The following DRD2 variants were observed in gnomAD, a reference collection of about 807,000 sequenced individuals.
DRD2 encodes D(2) dopamine receptor.
Under a neutral mutation model 38.0 loss-of-function variants are expected in DRD2, and 8 were observed. The ratio of observed to expected loss-of-function variants is 0.21; its 90% CI spans 0.12 to 0.38. The LOEUF (loss-of-function observed/expected upper bound fraction) is 0.38. Ranked by LOEUF, DRD2 falls within the 10% of genes least tolerant of loss-of-function variation. The pLI is 1.00. For missense variants in DRD2, 403 were observed against 607.7 expected (o/e 0.66, Z 3.54); for synonymous variants, 230 against 238.6 (o/e 0.96, Z 0.33).
chr11:113,456,853 A>G (rs978671577), intron 1 of DRD2, among the ~76,000 whole-genome samples: 2 of 152,220 alleles, frequency 1.3e-5, no homozygotes, highest in Non-Finnish European at 2.9e-5. Context: ...TAACATTATC[A>G]AACTGTACAC....
At chr11:113,418,767 T>C (rs184736515) in intron 2 of DRD2, among the ~76,000 whole-genome samples, 2 of 152,178 alleles carry the variant, frequency 1.3e-5, no homozygotes, top group Non-Finnish European at 2.9e-5. Context: ...TGCCAGGATG[T>C]TGAGACTAGC....
intron 2 of DRD2, among the ~76,000 whole-genome samples, chr11:113,423,515 C>T (rs1018372810): frequency 1.3e-5 from 2 of 152,202 alleles, no homozygotes; most frequent in South Asian, 4.1e-4. Context: ...GCCTCGTGAT[C>T]TGCCTGCCTC....
intron 1 of DRD2, among the ~76,000 whole-genome samples, chr11:113,464,998 C>CCCTAGATCAGGCTGCCAG (rs1162712453): frequency 1.3e-5 from 2 of 152,214 alleles, no homozygotes; most frequent in East Asian, 3.8e-4. Flanking sequence ...CACTGCCCCT[C>CCCTAGATCAGGCTGCCAG]CCTAGATCAG....
intron 1 of DRD2, among the ~76,000 whole-genome samples, chr11:113,461,279 C>T (rs910604203): frequency 1.3e-5 from 2 of 152,168 alleles, no homozygotes; most frequent in African/African-American, 4.8e-5. Flanking sequence ...TGATGGGGCT[C>T]CCAGTTTCAG....
intron 1 of DRD2, among the ~76,000 whole-genome samples, chr11:113,457,949 A>T (rs1312948748): frequency 6.6e-6 from 1 of 152,282 alleles, no homozygotes; most frequent in Non-Finnish European, 1.5e-5. Flanking sequence ...TGGGTGGGAC[A>T]CAGCAGGCCA....
Position 113,414,395 on chromosome 11 carries a change from G to T in DRD2, c.790C>A (p.Pro264Thr). The T allele has an allele frequency of 1.2e-6, 2 of 1,614,188 alleles. No individual in the cohort carries two copies. The highest frequency in any genetic ancestry group is 1.7e-6 in the Non-Finnish European group (2 of 1,180,030). The change falls in exon 6 of 8, where the codon CCA becomes ACA. Residue 264 changes from proline (P) to threonine (T), a missense_variant. Coordinates refer to ENST00000362072, the MANE Select transcript of DRD2 (RefSeq NM_000795.4). Reference sequence around the variant, plus strand: ...CTTACCACTCTCCGCCTGTTCACTGGGAAACTCCCATTAGACTTCATGATA... The same window carrying T: ...CTTACCACTCTCCGCCTGTTCACTGTGAAACTCCCATTAGACTTCATGATA... ...TVIMKSNGSF[P>T]VNRRRVEAAR... is the part of the protein sequence containing the mutation.
intron 2 of DRD2, among the ~76,000 whole-genome samples, 197 bp from the exon 3 acceptor site, chr11:113,418,333 A>G (rs893759807): frequency 2.0e-5 from 3 of 152,160 alleles, no homozygotes; most frequent in Admixed American, 6.5e-5. Flanking sequence ...TCTCCCAGAT[A>G]CATAAGACCA....
chr11:113,450,672 T>A (rs1951202524), intron 1 of DRD2, among the ~76,000 whole-genome samples: 1 of 152,320 alleles, frequency 6.6e-6, no homozygotes, highest in Non-Finnish European at 1.5e-5. Flanking sequence ...CTATATCAAG[T>A]GATCAGAAGT....
chr11:113,449,365 A>T (rs1951187063), intron 1 of DRD2, among the ~76,000 whole-genome samples: 1 of 151,956 alleles, frequency 6.6e-6, no homozygotes, highest in Non-Finnish European at 1.5e-5. Context: ...CATGTCCCAG[A>T]CCCCTGGGGG....
intron 1 of DRD2, among the ~76,000 whole-genome samples, chr11:113,465,021 G>A (rs1951354692): frequency 6.6e-6 from 1 of 151,996 alleles, no homozygotes; most frequent in Admixed American, 6.5e-5. Flanking sequence ...TGCCAGCATT[G>A]CTGTCCTGAA....
chr11:113,417,480 ATTAAC>A (rs1487800328), intron 3 of DRD2, among the ~76,000 whole-genome samples: 1 of 151,894 alleles, frequency 6.6e-6, no homozygotes, highest in East Asian at 1.9e-4. Context: ...CTTCTCATTC[ATTAAC>A]TTATTTCATC....
intron 6 of DRD2, chr11:113,414,128 T>G: frequency 5.4e-6 from 3 of 559,058 alleles, no homozygotes; most frequent in Non-Finnish European, 9.7e-6. Context: ...ATAGCCATTA[T>G]TATCATTTTT....
intron 1 of DRD2, among the ~76,000 whole-genome samples, chr11:113,434,176 G>A (rs887503132): frequency 1.3e-5 from 2 of 152,176 alleles, no homozygotes; most frequent in African/African-American, 4.8e-5. Flanking sequence ...CCCAGCACAG[G>A]TGTAATGAAG....
At chr11:113,440,676 C>T (rs1433197036) in intron 1 of DRD2, among the ~76,000 whole-genome samples, 1 of 152,204 alleles carries the variant, frequency 6.6e-6, no homozygotes, top group Non-Finnish European at 1.5e-5. Flanking sequence ...ACCAGGGACC[C>T]TGCTCACACC....
chr11:113,415,583 C>G lies in DRD2; in HGVS notation c.561G>C (p.Pro187=), dbSNP rs775101965. Residue 187 remains proline (P), a synonymous_variant, in exon 5 of 8, where the codon CCG becomes CCC. Coordinates refer to ENST00000362072, the MANE Select transcript of DRD2 (RefSeq NM_000795.4). ...CGATGGAGGAGTAGACCACGAAGGC[C>G]GGGTTGGCAATGATGCACTCGTTCT... ...ADQNECIIAN[P]AFVVYSSIVS... 6.2e-7 allele frequency: 1 copy of G among 1,613,924 alleles called. No individual in the cohort carries two copies. The highest frequency in any genetic ancestry group is 8.5e-7 in the Non-Finnish European group (1 of 1,179,934).
intron 1 of DRD2, among the ~76,000 whole-genome samples, chr11:113,437,001 C>T (rs1488740534): frequency 6.6e-6 from 1 of 152,174 alleles, no homozygotes; most frequent in African/African-American, 2.4e-5. Context: ...GATCCTTTCT[C>T]ATGACATAAC....
chr11:113,437,774 G>T (rs1238303377), intron 1 of DRD2, among the ~76,000 whole-genome samples: 1 of 152,178 alleles, frequency 6.6e-6, no homozygotes, highest in Non-Finnish European at 1.5e-5. Context: ...CATCTGGCAG[G>T]CCAGGCTCCT....
intron 1 of DRD2, among the ~76,000 whole-genome samples, chr11:113,450,863 A>G (rs1286780971): frequency 6.6e-6 from 1 of 152,238 alleles, no homozygotes; most frequent in Non-Finnish European, 1.5e-5. Context: ...ACTCCTTACC[A>G]GGGTAACTAT....
intron 1 of DRD2, among the ~76,000 whole-genome samples, chr11:113,450,819 GT>G (rs1232593145): frequency 6.6e-6 from 1 of 152,188 alleles, no homozygotes; most frequent in Non-Finnish European, 1.5e-5. Context: ...AATTTACATT[GT>G]TAATATTTCT....
Sources: allele counts gnomAD v4.1 joint callset (sites outside exome capture counted in the v4.1 genomes callset), GRCh38; gene constraint gnomAD v4.1.1; transcripts MANE v1.5; gene names NCBI Gene and HGNC (gene_info 2026-07-23, HGNC 2026-07-21).